The following SYNPO2 variants were observed in gnomAD, a reference collection of about 807,000 sequenced individuals.
SYNPO2 encodes the protein synaptopodin-2.
In SYNPO2, 56 loss-of-function variants were observed where a neutral mutation model predicts 85.0. That is an observed-to-expected ratio of 0.66 (90% CI 0.53 to 0.82). SYNPO2 has a LOEUF of 0.82. Ranked by LOEUF, SYNPO2 falls within the 40% of genes least tolerant of loss-of-function variation. SYNPO2 has a pLI of 0.00. For synonymous variants in SYNPO2, 602 were observed against 591.1 expected, an observed-to-expected ratio of 1.02 and a Z score of -0.27; for missense variants, 1,575 against 1,534.2, an observed-to-expected ratio of 1.03 and a Z score of -0.44.
At chr4:119,019,736 C>T (rs888777823) in intron 1 of SYNPO2, among the ~76,000 whole-genome samples, 1 of 152,050 alleles carries the variant, frequency 6.6e-6, no homozygotes, top group Non-Finnish European at 1.5e-5. Flanking sequence ...AGGGTAGTAG[C>T]GTAACTCATC....
intron 1 of SYNPO2, among the ~76,000 whole-genome samples, chr4:118,907,067 A>C (rs1240794208): frequency 3.9e-5 from 6 of 151,910 alleles, no homozygotes; most frequent in Non-Finnish European, 8.8e-5. Context: ...CTCCCACCTC[A>C]GCCTTCCGAA....
chr4:119,027,581 A>G (rs1578657050), intron 3 of SYNPO2, 143 bp downstream of exon 3: 2 of 842,262 alleles, frequency 2.4e-6, no homozygotes, highest in African/African-American at 1.7e-5. Context: ...CAAAATCACA[A>G]ATGTGAAATT....
intron 1 of SYNPO2, among the ~76,000 whole-genome samples, chr4:119,002,269 T>C (rs1398082410): frequency 6.6e-6 from 1 of 152,150 alleles, no homozygotes; most frequent in Non-Finnish European, 1.5e-5. Context: ...AATGTCATTT[T>C]TTTTCTTCTG....
intron 1 of SYNPO2, among the ~76,000 whole-genome samples, chr4:118,985,800 C>T (rs1457507214): frequency 1.3e-5 from 2 of 152,224 alleles, no homozygotes; most frequent in Non-Finnish European, 2.9e-5. Flanking sequence ...TGTACCATGT[C>T]ATCCACAGTT....
chr4:119,029,036 G>T (rs978852660), intron 3 of SYNPO2, among the ~76,000 whole-genome samples: 2 of 151,496 alleles, frequency 1.3e-5, no homozygotes, highest in Non-Finnish European at 2.9e-5. Flanking sequence ...CAGTTAAGTG[G>T]GTCACAAGTC....
At chr4:118,938,043 C>T (rs188064182) in intron 1 of SYNPO2, among the ~76,000 whole-genome samples, 3 of 152,234 alleles carry the variant, frequency 2.0e-5, no homozygotes, top group African/African-American at 7.2e-5. Context: ...TGGCTCACAC[C>T]TGTAATCCTA....
At chr4:118,895,364 TA>T (rs2149115950) in intron 1 of SYNPO2, among the ~76,000 whole-genome samples, 1 of 152,282 alleles carries the variant, frequency 6.6e-6, no homozygotes, top group Admixed American at 6.5e-5. Flanking sequence ...GGCAGATAGA[TA>T]TATTTATTCA....
chr4:118,890,697 TTCTCTCTCTCTC>T (rs796242049), intron 1 of SYNPO2, among the ~76,000 whole-genome samples: 22 of 81,846 alleles, frequency 2.7e-4, no homozygotes, highest in African/African-American at 7.8e-4. Flanking sequence ...TCTCATCGGT[TTCTCTCTCTCTC>T]TCTCTCTCTC....
At chr4:118,963,786 T>G (rs1735194246) in intron 1 of SYNPO2, among the ~76,000 whole-genome samples, 1 of 152,248 alleles carries the variant, frequency 6.6e-6, no homozygotes, top group African/African-American at 2.4e-5. Context: ...AGGTACAATC[T>G]CAGATCCTCT....
At chr4:118,900,687 CTCTCTCTCTCTCTCTCTATATATATATA>C (rs1416890043) in intron 1 of SYNPO2, among the ~76,000 whole-genome samples, 79 of 46,130 alleles carry the variant, frequency 1.7e-3, no homozygotes, top group African/African-American at 4.9e-3. Flanking sequence ...CTCTCTCTCT[CTCTCTCTCTCTCTCTCTATATATATATA>C]TATATATATA....
At chr4:118,915,448 A>G (rs1438897925) in intron 1 of SYNPO2, among the ~76,000 whole-genome samples, 1 of 152,176 alleles carries the variant, frequency 6.6e-6, no homozygotes, top group Admixed American at 6.5e-5. Flanking sequence ...ACCATGCTGT[A>G]TGTAATCTTC....
intron 2 of SYNPO2, among the ~76,000 whole-genome samples, chr4:119,024,674 A>G (rs1737863831): frequency 8.1e-6 from 1 of 123,386 alleles, no homozygotes; most frequent in African/African-American, 2.8e-5. Flanking sequence ...ATACATAATT[A>G]AATTTATAAA....
chr4:118,939,803 C>CAGG (rs1333906335), intron 1 of SYNPO2, among the ~76,000 whole-genome samples: 7 of 152,144 alleles, frequency 4.6e-5, no homozygotes, highest in African/African-American at 1.7e-4. Context: ...TGCTGCCTGA[C>CAGG]TTCCCTAATA....
intron 1 of SYNPO2, among the ~76,000 whole-genome samples, chr4:118,963,389 A>G (rs955482732): frequency 2.0e-5 from 3 of 152,276 alleles, no homozygotes; most frequent in African/African-American, 7.2e-5. Flanking sequence ...CTGTATTATT[A>G]GTAATTAATT....
intron 1 of SYNPO2, among the ~76,000 whole-genome samples, chr4:118,977,105 T>C (rs545748563): frequency 3.6e-4 from 55 of 152,048 alleles, no homozygotes; most frequent in East Asian, 1.4e-3. Flanking sequence ...CAGGGGGTGG[T>C]GCTCGTCAGG....
chr4:119,050,706 T>C (rs996768237), intron 4 of SYNPO2, among the ~76,000 whole-genome samples: 4 of 152,334 alleles, frequency 2.6e-5, no homozygotes, highest in African/African-American at 7.2e-5. Context: ...AGATGACTCA[T>C]GAGTTCAGTG....
intron 4 of SYNPO2, chr4:119,042,082 T>C (rs1254299051): frequency 2.8e-5 from 2 of 71,628 alleles, no homozygotes; most frequent in Non-Finnish European, 5.9e-5. Flanking sequence ...TAGTGCCCCG[T>C]CTAAAAGGAA....
At chr4:118,989,105 T>C (rs1175581348) in intron 1 of SYNPO2, among the ~76,000 whole-genome samples, 3 of 152,234 alleles carry the variant, frequency 2.0e-5, no homozygotes, top group African/African-American at 7.2e-5. Context: ...GGATCTTAAC[T>C]GCATACTTTA....
In SYNPO2 at chr4:118,919,631, TA is replaced by T. The variant is rs1578550320; in HGVS notation, c.105+30491del. On this transcript the variant is annotated intron_variant, in intron 1 of 4. Coordinates refer to ENST00000307142, the MANE Select transcript of SYNPO2 (RefSeq NM_133477.3). ...GCAAGTGTTATTGTAGAAGATGGTA[TA>T]GGGGACAGTGGAGGCACAAAAGAGG... is the stretch of plus-strand genomic sequence containing the variant. Among the ~76,000 whole-genome samples, 4 of 152,292 alleles carry T rather than the reference TA, an allele frequency of 2.6e-5. No homozygotes were observed. In the East Asian group the frequency reaches 7.7e-4, roughly 29 times the overall value.
Sources: allele counts gnomAD v4.1 joint callset (sites outside exome capture counted in the v4.1 genomes callset), GRCh38; gene constraint gnomAD v4.1.1; transcripts MANE v1.5; gene names NCBI Gene and HGNC (gene_info 2026-07-23, HGNC 2026-07-21).